Variants in RASSF3 observed in about 807,000 individuals in gnomAD.
RASSF3 encodes ras association domain-containing protein 3.
A neutral mutation model predicts 19.9 loss-of-function variants in RASSF3; 19 were observed. The observed-to-expected ratio is 0.96, with a 90% CI of 0.67 to 1.40. The LOEUF (loss-of-function observed/expected upper bound fraction) is 1.40. RASSF3 is among the 40% of genes most tolerant of loss of function. The pLI is 0.00. For synonymous variants in RASSF3, 110 were observed against 104.2 expected (o/e 1.06, Z -0.34); for missense variants, 306 against 289.8 (o/e 1.06, Z -0.41).
chr12:64,693,245 G>C (rs966945344), intron 4 of RASSF3, among the ~76,000 whole-genome samples: 2 of 134,084 alleles, frequency 1.5e-5, no homozygotes, highest in East Asian at 2.2e-4. Flanking sequence ...TTCACTCTTT[G>C]TTTGTATTTG....
At chr12:64,549,276 A>C (rs1167730819) in intron 2 of RASSF3, among the ~76,000 whole-genome samples, 1 of 152,098 alleles carries the variant, frequency 6.6e-6, no homozygotes, top group Non-Finnish European at 1.5e-5. Flanking sequence ...CTTTGGGGGG[A>C]TCACTTGAGC....
At chr12:64,516,084 C>T (rs539646085) in intron 1 of RASSF3, among the ~76,000 whole-genome samples, 15 of 152,132 alleles carry the variant, frequency 9.9e-5, no homozygotes, top group Non-Finnish European at 1.6e-4. Context: ...TAATAAAATT[C>T]ACCATATATT....
chr12:64,514,580 G>A (rs1179872734), intron 1 of RASSF3, among the ~76,000 whole-genome samples: 4 of 152,094 alleles, frequency 2.6e-5, no homozygotes, highest in Non-Finnish European at 5.9e-5. Context: ...CTGCAGAGGG[G>A]GACCCAGGCT....
At chr12:64,547,267 A>G (rs4964085) in intron 2 of RASSF3, among the ~76,000 whole-genome samples, 97,471 of 146,278 alleles carry the variant, frequency 0.67, 32,889 homozygotes, top group East Asian at 0.75. Context: ...GAGAGACTTG[A>G]TCTAAAAAAA....
At chr12:64,589,667 C>T (rs1237910073) in intron 2 of RASSF3, among the ~76,000 whole-genome samples, 1 of 151,872 alleles carries the variant, frequency 6.6e-6, no homozygotes, top group Admixed American at 6.6e-5. Context: ...ACCTGTAATC[C>T]CAGTACCTTT....
chr12:64,584,500 T>TATGAAA (rs769887317), intron 2 of RASSF3, among the ~76,000 whole-genome samples: 1 of 47,308 alleles, frequency 2.1e-5, no homozygotes. Flanking sequence ...AGGTCCAGGC[T>TATGAAA]AAGAAAAAAA....
downstream of RASSF3, chr12:64,541,738 G>A (rs188900380): frequency 1.0e-3 from 408 of 398,456 alleles, 2 homozygotes; most frequent in Non-Finnish European, 1.5e-3. Context: ...GACATCGTGC[G>A]TTTCGGTCAC....
chr12:64,541,506 A>C, intron 1 of RASSF3: 1 of 397,752 alleles, frequency 2.5e-6, no homozygotes, highest in East Asian at 3.6e-5. Flanking sequence ...GAGGGGGTTC[A>C]ATTTCCCTTG....
rs539178566 is a variant in RASSF3, at chr12:64,568,715, C to T, written c.294+27010C>T. 1.9e-4 allele frequency among the ~76,000 whole-genome samples: 28 copies of T among 146,452 alleles called. No individual in the cohort carries two copies. The South Asian group carries it at 4.3e-3, about 23-fold the overall frequency. On this transcript the variant is annotated intron_variant, in intron 2 of 5. Coordinates refer to the RASSF3 transcript ENST00000637125. Reference sequence around the variant, plus strand: ...GTGTAATAAGCCTTTTCTGAGTTCACTTTTTTTTTTTTGAGACAGAGTCTC... The same window carrying T: ...GTGTAATAAGCCTTTTCTGAGTTCATTTTTTTTTTTTTGAGACAGAGTCTC...
At chr12:64,608,319 G>GTTTATTTA, upstream of RASSF3, among the ~76,000 whole-genome samples, 1 of 152,124 alleles carries the variant, frequency 6.6e-6, no homozygotes, top group African/African-American at 2.4e-5. Context: ...GCATCATAAA[G>GTTTATTTA]TTTATTTATT....
At chr12:64,544,079 T>TG (rs926257459), downstream of RASSF3, among the ~76,000 whole-genome samples, 4 of 152,090 alleles carry the variant, frequency 2.6e-5, no homozygotes, top group East Asian at 1.9e-4. Context: ...GGCACCTCGG[T>TG]GGGGGTCCCG....
rs569906906 is a variant in RASSF3 at position 64,547,179 on chromosome 12, C to T, written c.294+5474C>T. On this transcript the variant is annotated intron_variant, in intron 2 of 5. Coordinates refer to the RASSF3 transcript ENST00000637125. ...CCCTGCTACTCAGGAGACTGAGGCA[C>T]GAGAATTGCTTGAACCCAGGAGGTG... Among the ~76,000 whole-genome samples, 400 of 150,284 alleles carry T rather than the reference C, an allele frequency of 2.7e-3. 2 individuals are homozygous for T. In the South Asian group the frequency reaches 0.028, roughly 11 times the overall value.
At chr12:64,540,575 G>A (rs1039959244) in intron 1 of RASSF3, among the ~76,000 whole-genome samples, 2 of 152,152 alleles carry the variant, frequency 1.3e-5, no homozygotes, top group South Asian at 2.1e-4. Context: ...TAAACAAAAT[G>A]TGTTACATTC....
downstream of RASSF3, among the ~76,000 whole-genome samples, chr12:64,543,644 C>G (rs1592395737): frequency 6.7e-6 from 1 of 148,942 alleles, no homozygotes; most frequent in South Asian, 2.2e-4. Context: ...TGCGGGCGCA[C>G]GGCGCGGGAC....
At chr12:64,614,997 C>G (rs1870503716) in intron 1 of RASSF3, among the ~76,000 whole-genome samples, 1 of 152,158 alleles carries the variant, frequency 6.6e-6, no homozygotes, top group Admixed American at 6.6e-5. Context: ...CCGCGCCTGG[C>G]TGTTTCTTAA....
At chr12:64,605,366 C>CT (rs77670045) in intron 2 of RASSF3, among the ~76,000 whole-genome samples, 17 of 148,946 alleles carry the variant, frequency 1.1e-4, no homozygotes, top group African/African-American at 2.0e-4. Flanking sequence ...CTATGGGTTG[C>CT]TTTTTTTTTT....
intron 2 of RASSF3, among the ~76,000 whole-genome samples, chr12:64,586,980 C>G (rs1431865477): frequency 6.6e-6 from 1 of 151,548 alleles, no homozygotes; most frequent in Non-Finnish European, 1.5e-5. Context: ...GCTCATAAGT[C>G]AAATGCTCTA....
intron 2 of RASSF3, among the ~76,000 whole-genome samples, chr12:64,576,770 C>T (rs147422985): frequency 4.0e-5 from 6 of 149,392 alleles, no homozygotes; most frequent in African/African-American, 1.5e-4. Flanking sequence ...ATGGGAGCCT[C>T]AGCCTGGGAG....
chr12:64,518,712 C>T (rs553370295), intron 1 of RASSF3, among the ~76,000 whole-genome samples: 38 of 152,334 alleles, frequency 2.5e-4, no homozygotes, highest in African/African-American at 8.9e-4. Flanking sequence ...TAAATTAGCA[C>T]ACTTATTTTG....
Sources: gnomAD v4.1 joint callset for allele counts (sites outside exome capture counted in the v4.1 genomes callset) on GRCh38, gnomAD v4.1.1 for gene constraint, MANE v1.5 for transcripts, NCBI Gene and HGNC (gene_info 2026-07-23, HGNC 2026-07-21) for gene names.